The following IL16 variants were observed in gnomAD, a reference collection of about 807,000 sequenced individuals.
The protein encoded by IL16 is interleukin 16.
A neutral mutation model predicts 110.1 loss-of-function variants in IL16; 67 were observed. That is an observed-to-expected ratio of 0.61 (90% CI 0.50 to 0.75). IL16 has a LOEUF of 0.75. IL16 is among the 30% of genes least tolerant of loss of function. The pLI, the probability that IL16 is intolerant of heterozygous loss-of-function variation, is 0.00. For synonymous variants in IL16, 689 were observed against 662.9 expected, an observed-to-expected ratio of 1.04 and a Z score of -0.61; for missense variants, 1,545 against 1,655.0, an observed-to-expected ratio of 0.93 and a Z score of 1.15.
intron 1 of IL16, among the ~76,000 whole-genome samples, chr15:81,201,442 G>A (rs893082308): frequency 6.6e-6 from 1 of 152,080 alleles, no homozygotes; most frequent in Non-Finnish European, 1.5e-5. Context: ...TAGAGATCAC[G>A]AAATGTCTAA....
intron 16 of IL16, chr15:81,305,695 A>G: frequency 3.4e-6 from 2 of 591,656 alleles, no homozygotes; most frequent in Non-Finnish European, 3.0e-6. Flanking sequence ...CTGAGGGCTT[A>G]CCTGGTCATT....
intron 3 of IL16, among the ~76,000 whole-genome samples, chr15:81,265,339 C>T (rs1055325182): frequency 1.3e-5 from 2 of 152,188 alleles, no homozygotes; most frequent in Non-Finnish European, 2.9e-5. Context: ...GGATCTGATG[C>T]AGCATTGTGG....
At chr15:81,271,839 C>T (rs115722284) in intron 5 of IL16, among the ~76,000 whole-genome samples, 161 of 152,330 alleles carry the variant, frequency 1.1e-3, no homozygotes, top group African/African-American at 3.6e-3. Flanking sequence ...ATCCCCACGG[C>T]TCTCCCACTG....
Position 81,313,251 on chromosome 15 carries a change from T to G in IL16, c.*4453T>G. Reference sequence around the variant, plus strand: ...GGAGTTCTTTGCCAAGAAGTAACGATAGCATTACTCATGGAATTGCTTCAC... The same window carrying G: ...GGAGTTCTTTGCCAAGAAGTAACGAGAGCATTACTCATGGAATTGCTTCAC... On this transcript the variant is annotated 3_prime_UTR_variant, in exon 19 of 19. Transcript: ENST00000683961. 1 of 1,557,158 alleles carries G rather than the reference T, an allele frequency of 6.4e-7. No individual in the cohort carries two copies. The highest frequency in any genetic ancestry group is 8.7e-7 in the Non-Finnish European group (1 of 1,150,338).
chr15:81,282,276 T>C (rs975192026), intron 8 of IL16, among the ~76,000 whole-genome samples: 10 of 152,190 alleles, frequency 6.6e-5, no homozygotes, highest in Non-Finnish European at 1.5e-4. Context: ...TTAGCCCAAC[T>C]GGTGTCTCCT....
chr15:81,223,417 A>G (rs1323922412), intron 1 of IL16, among the ~76,000 whole-genome samples: 1 of 152,244 alleles, frequency 6.6e-6, no homozygotes, highest in Non-Finnish European at 1.5e-5. Context: ...AAGATCCAGC[A>G]CAGAGGAAGA....
In IL16 at chr15:81,306,464, G is replaced by C. The variant is rs996297699; in HGVS notation, c.3724G>C (p.Ala1242Pro). 2.5e-6 allele frequency: 4 copies of C among 1,613,922 alleles called. No homozygotes were observed. Among genetic ancestry groups the C allele is most frequent in the African/African-American group, 2.7e-5 (2 of 74,932 alleles). ...CACGGTGACACTGGAGAAGATGTCGGCAGGGCTGGGCTTCAGCCTGGAAGG... is the reference window on the plus strand; with the variant it reads ...CACGGTGACACTGGAGAAGATGTCGCCAGGGCTGGGCTTCAGCCTGGAAGG... ...VCTVTLEKMS[A>P]GLGFSLEGGK... The change falls in exon 18 of 19, where the codon GCA becomes CCA. Residue 1242 changes from alanine to proline, a missense_variant. By Grantham distance (27) the Ala-to-Pro change is conservative (BLOSUM62 -1). Coordinates refer to ENST00000683961, the MANE Select transcript of IL16 (RefSeq NM_172217.5).
intron 1 of IL16, among the ~76,000 whole-genome samples, chr15:81,217,433 G>T (rs529464812): frequency 6.6e-6 from 1 of 152,214 alleles, no homozygotes; most frequent in East Asian, 1.9e-4. Context: ...ACTACCTAAA[G>T]GGGATGCCAG....
intron 1 of IL16, among the ~76,000 whole-genome samples, chr15:81,210,170 G>T (rs1461115990): frequency 6.6e-6 from 1 of 152,156 alleles, no homozygotes; most frequent in African/African-American, 2.4e-5. Flanking sequence ...AAGAGCAGAT[G>T]GTTGTAGGGG....
At chr15:81,282,047 A>C (rs8040740) in intron 8 of IL16, among the ~76,000 whole-genome samples, 32,123 of 152,142 alleles carry the variant, frequency 0.21, 3,542 homozygotes, top group Middle Eastern at 0.28. Flanking sequence ...CCGTTCACTG[A>C]CATGCCATTG....
At chr15:81,270,046 A>G (rs900613179) in intron 5 of IL16, among the ~76,000 whole-genome samples, 9 of 152,194 alleles carry the variant, frequency 5.9e-5, no homozygotes, top group African/African-American at 1.9e-4. Flanking sequence ...AGGGACCCAT[A>G]TATTAATTTA....
intron 1 of IL16, among the ~76,000 whole-genome samples, chr15:81,211,513 A>C (rs147318929): frequency 1.3e-5 from 2 of 152,216 alleles, no homozygotes; most frequent in African/African-American, 4.8e-5. Flanking sequence ...CAGCCTCCCA[A>C]AGCACTGGGA....
chr15:81,253,936 A>G (rs996337291), intron 2 of IL16, among the ~76,000 whole-genome samples: 25 of 152,190 alleles, frequency 1.6e-4, no homozygotes, highest in African/African-American at 5.8e-4. Flanking sequence ...CCTCCATATC[A>G]GGAGATCTGT....
At position 81,305,451 on chromosome 15, in the gene IL16, C is replaced by G. The variant is rs17875531; in HGVS notation, c.3421-457C>G. ...GGCCAAGGTGAGAGGATTGCTTGAG[C>G]CCAGGAGTTTGAGACCATCCTGGGC... On this transcript the variant is annotated intron_variant, in intron 16 of 18. Coordinates refer to ENST00000683961, the MANE Select transcript of IL16 (RefSeq NM_172217.5). Among the ~76,000 whole-genome samples the G allele has an allele frequency of 5.4e-3, 818 of 151,754 alleles. 15 individuals are homozygous for G. The highest frequency in any genetic ancestry group is 0.019 in the African/African-American group (785 of 41,082).
intron 2 of IL16, among the ~76,000 whole-genome samples, chr15:81,248,719 C>CTTTCTT (rs780952273): frequency 3.6e-5 from 4 of 112,242 alleles, no homozygotes; most frequent in African/African-American, 6.9e-5. Context: ...TTCTTTCTTT[C>CTTTCTT]TTTTTTTTTT....
chr15:81,237,229 C>G (rs1273742421), intron 2 of IL16, among the ~76,000 whole-genome samples: 1 of 152,146 alleles, frequency 6.6e-6, no homozygotes, highest in Non-Finnish European at 1.5e-5. Context: ...TCCTGATCCT[C>G]CTCTTATCCT....
At chr15:81,182,825 C>T (rs1024731185) in exon 1 of IL16, 1 of 1,285,938 alleles carries the variant, frequency 7.8e-7, no homozygotes, top group Non-Finnish European at 1.0e-6. Context: ...GAACTTTTCA[C>T]AGCTCTCTCT....
chr15:81,214,997 T>G (rs1010019830), intron 1 of IL16, among the ~76,000 whole-genome samples: 3 of 152,214 alleles, frequency 2.0e-5, no homozygotes, highest in African/African-American at 4.8e-5. Context: ...TTTCTTAAAG[T>G]GGCTATTTTG....
intron 2 of IL16, among the ~76,000 whole-genome samples, chr15:81,243,572 T>G (rs1016558848): frequency 6.6e-6 from 1 of 152,134 alleles, no homozygotes; most frequent in Non-Finnish European, 1.5e-5. Context: ...TAATATTAGC[T>G]TAATAAGATG....
Sources: allele counts gnomAD v4.1 joint callset (sites outside exome capture counted in the v4.1 genomes callset), GRCh38; gene constraint gnomAD v4.1.1; transcripts MANE v1.5; gene names NCBI Gene and HGNC (gene_info 2026-07-23, HGNC 2026-07-21).